Variants in IQGAP2 observed in about 807,000 individuals in gnomAD.
IQGAP2 encodes the protein IQ motif containing GTPase activating protein 2.
A neutral mutation model predicts 201.3 loss-of-function variants in IQGAP2; 173 were observed. The ratio of observed to expected loss-of-function variants is 0.86; its 90% CI spans 0.76 to 0.98. The LOEUF is 0.98. Ranked by LOEUF, IQGAP2 falls within the 50% of genes least tolerant of loss-of-function variation. IQGAP2 has a pLI of 0.00. For synonymous variants in IQGAP2, 675 were observed against 673.9 expected (o/e 1.00, Z -0.03); for missense variants, 1,687 against 1,864.8 (o/e 0.90, Z 1.76).
At chr5:76,642,646 C>T (rs1751681655) in intron 17 of IQGAP2, among the ~76,000 whole-genome samples, 1 of 152,180 alleles carries the variant, frequency 6.6e-6, no homozygotes, top group Admixed American at 6.6e-5. Flanking sequence ...GCTGGTTCAC[C>T]TTCAAGTAGG....
intron 2 of IQGAP2, among the ~76,000 whole-genome samples, chr5:76,493,641 T>C (rs1756702550): frequency 6.6e-6 from 1 of 152,206 alleles, no homozygotes; most frequent in Non-Finnish European, 1.5e-5. Context: ...TTAATTAATT[T>C]AGTGATTTTT....
chr5:76,503,660 C>T (rs573633346), intron 2 of IQGAP2, among the ~76,000 whole-genome samples: 3 of 152,104 alleles, frequency 2.0e-5, no homozygotes, highest in Admixed American at 1.3e-4. Flanking sequence ...GGCATGATCT[C>T]GGCTCACTGC....
Position 76,457,495 on chromosome 5 carries a change from C to T in IQGAP2, c.47-4075C>T, listed in dbSNP as rs1218084763. On this transcript the variant is annotated intron_variant, in intron 1 of 35. Transcript: ENST00000274364. ...GAGACCTTTTGAGTCATATTCATCA[C>T]TTTGTGTTCCATCTCCATAATAAAC... Among the ~76,000 whole-genome samples, 12 of 152,246 alleles carry T rather than the reference C, an allele frequency of 7.9e-5. No individual in the cohort carries two copies. In the East Asian group the frequency reaches 2.3e-3, roughly 29 times the overall value.
At chr5:76,657,520 T>G (rs941056323) in intron 20 of IQGAP2, among the ~76,000 whole-genome samples, 2 of 152,070 alleles carry the variant, frequency 1.3e-5, no homozygotes, top group Non-Finnish European at 2.9e-5. Flanking sequence ...AGAACTAAGG[T>G]GGAAGTAAAA....
chr5:76,663,808 C>T (rs191240502), intron 21 of IQGAP2, among the ~76,000 whole-genome samples: 89 of 152,330 alleles, frequency 5.8e-4, no homozygotes, highest in Admixed American at 1.4e-3. Context: ...GCTGAGATCA[C>T]AGGCATGAGC....
chr5:76,658,001 G>A (rs570700385), intron 20 of IQGAP2, among the ~76,000 whole-genome samples: 13 of 152,066 alleles, frequency 8.5e-5, no homozygotes, highest in Non-Finnish European at 1.2e-4. Context: ...ACCTACTTCC[G>A]GCTCCTTCCC....
In IQGAP2 at chr5:76,673,823, A is replaced by G. The variant is rs1459883099; in HGVS notation, c.3210-129A>G. 3 of 691,302 alleles carry G rather than the reference A, an allele frequency of 4.3e-6. No individual in the cohort carries two copies. In the Admixed American group the frequency reaches 7.9e-5, roughly 18 times the overall value. 42.8% of individuals were successfully genotyped at this position (691,302 alleles called of 1,614,324 possible). A position where few individuals can be genotyped will look rare whatever the true frequency, so the allele number is the denominator to read the frequency against. The stretch of plus-strand genomic sequence containing the variant: ...TCAGTGGAAGTCCTGTGATTCCATT[A>G]CCATCTCATCTTATGTTTAATTTTT... On this transcript the variant is annotated intron_variant, in intron 25 of 35. Transcript: ENST00000274364.
intron 15 of IQGAP2, among the ~76,000 whole-genome samples, chr5:76,632,264 T>C (rs113517708): frequency 0.015 from 2,234 of 152,210 alleles, 73 homozygotes; most frequent in African/African-American, 0.051. Context: ...ATTTGAGGAG[T>C]CTGTGCCTTA....
At chr5:76,661,837 A>G (rs976727219) in intron 21 of IQGAP2, among the ~76,000 whole-genome samples, 2 of 152,122 alleles carry the variant, frequency 1.3e-5, no homozygotes, top group East Asian at 1.9e-4. Context: ...ATACTAGCCC[A>G]CACTTTCTAC....
chr5:76,606,271 T>G lies in IQGAP2; in HGVS notation c.1325T>G (p.Met442Arg). Residue 442 changes from methionine (M) to arginine (R), a missense_variant, in exon 12 of 36, where the codon ATG becomes AGG. By Grantham distance (91) the Met-to-Arg change is moderately conservative. Transcript: ENST00000274364. ...SWNEIQNCID[M>R]VNAQIQEEND... Reference sequence around the variant, plus strand: ...AATGAAATTCAGAATTGTATTGATATGGTTAATGCTCAAATTCAAGAAGAA... The same window carrying G: ...AATGAAATTCAGAATTGTATTGATAGGGTTAATGCTCAAATTCAAGAAGAA... 1 of 1,600,700 alleles carries G rather than the reference T, an allele frequency of 6.2e-7. No homozygotes were observed. Among genetic ancestry groups the G allele is most frequent in the Non-Finnish European group, 8.5e-7 (1 of 1,173,326 alleles).
At position 76,564,167 on chromosome 5, in the gene IQGAP2, A is replaced by C. The variant is rs946217120; in HGVS notation, c.303+1615A>C. On this transcript the variant is annotated intron_variant, in intron 3 of 35. Coordinates refer to ENST00000274364, the MANE Select transcript of IQGAP2 (RefSeq NM_006633.5). ...CAATCATTTAGCCGGCTAAAATTGA[A>C]GTTTAGAAAAATTTTTTGAGAAATG... 2.6e-5 allele frequency among the ~76,000 whole-genome samples: 4 copies of C among 152,232 alleles called. No homozygotes were observed. The South Asian group carries it at 8.3e-4, about 32-fold the overall frequency.
At chr5:76,524,488 T>G (rs186163914) in intron 2 of IQGAP2, among the ~76,000 whole-genome samples, 30 of 152,312 alleles carry the variant, frequency 2.0e-4, no homozygotes, top group Admixed American at 8.5e-4. Context: ...GCAAAAATTC[T>G]GATTGTGGGA....
chr5:76,577,132 T>C (rs1334052292), intron 5 of IQGAP2, among the ~76,000 whole-genome samples: 2 of 152,220 alleles, frequency 1.3e-5, no homozygotes, highest in Admixed American at 1.3e-4. Flanking sequence ...CGCATGCTCG[T>C]GGGCTGTCTC....
intron 1 of IQGAP2, among the ~76,000 whole-genome samples, chr5:76,453,191 G>T (rs1411861810): frequency 6.6e-6 from 1 of 152,102 alleles, no homozygotes; most frequent in African/African-American, 2.4e-5. Context: ...TGGGATTAAA[G>T]GTATGAGCCA....
chr5:76,702,681 A>G (rs1257635551), intron 35 of IQGAP2, 91 bp downstream of exon 35: 3 of 544,634 alleles, frequency 5.5e-6, no homozygotes, highest in Non-Finnish European at 1.0e-5. Flanking sequence ...GGACAACAAT[A>G]AAGTTTAACA....
intron 1 of IQGAP2, among the ~76,000 whole-genome samples, chr5:76,424,193 T>C (rs987874804): frequency 1.3e-5 from 2 of 152,236 alleles, no homozygotes; most frequent in African/African-American, 2.4e-5. Flanking sequence ...TTGTTTTCAG[T>C]GTGTTTATTC....
chr5:76,513,847 A>G (rs10057926), intron 2 of IQGAP2, among the ~76,000 whole-genome samples: 30,595 of 151,978 alleles, frequency 0.2, 3,678 homozygotes, highest in African/African-American at 0.34. Context: ...TGAACTATGG[A>G]TTATAGTTAT....
In IQGAP2 at chr5:76,403,494, C is replaced by G; in HGVS notation, c.-52C>G. 1 of 1,388,192 alleles carries G rather than the reference C, an allele frequency of 7.2e-7. No homozygotes were observed. The highest frequency in any genetic ancestry group is 3.4e-5 in the Admixed American group (1 of 29,792). 86.0% of individuals were successfully genotyped at this position (1,388,192 alleles called of 1,614,324 possible). A position where few individuals can be genotyped will look rare whatever the true frequency, so the allele number is the denominator to read the frequency against. ...GCGCAGAGCCCGCGAGCCTGGCCAG[C>G]GAGGGTAGCCGCGGGGGGCGCGCCC... On this transcript the variant is annotated 5_prime_UTR_variant, in exon 1 of 36. Coordinates refer to ENST00000274364, the MANE Select transcript of IQGAP2 (RefSeq NM_006633.5). The surrounding 1 kb of genome is among the most constrained non-coding windows in gnomAD (Gnocchi z 4.8).
At chr5:76,427,398 C>T (rs1299464155) in intron 1 of IQGAP2, among the ~76,000 whole-genome samples, 2 of 152,178 alleles carry the variant, frequency 1.3e-5, no homozygotes, top group African/African-American at 4.8e-5. Flanking sequence ...CCCTCACTTT[C>T]ATGCTCTTGG....
Sources: allele counts gnomAD v4.1 joint callset (sites outside exome capture counted in the v4.1 genomes callset), GRCh38; gene constraint gnomAD v4.1.1; non-coding constraint Gnocchi (gnomAD v3.1); transcripts MANE v1.5; gene names NCBI Gene and HGNC (gene_info 2026-07-23, HGNC 2026-07-21).